Variants in IGSF21 observed in about 807,000 individuals in gnomAD.
The protein encoded by IGSF21 is immunoglobulin superfamily member 21.
IGSF21 carries 28 observed loss-of-function variants against 46.8 expected under a neutral mutation model. The observed-to-expected ratio is 0.60, with a 90% CI of 0.44 to 0.82. The LOEUF is 0.82. IGSF21 is among the 40% of genes least tolerant of loss of function. IGSF21 has a pLI of 0.00. For missense variants in IGSF21, 624 were observed against 665.5 expected (o/e 0.94, Z 0.69); for synonymous variants, 284 against 273.6 (o/e 1.04, Z -0.38).
In IGSF21 at chr1:18,378,430, G is replaced by C; in HGVS notation, c.*104G>C. The C allele has an allele frequency of 3.1e-6, 3 of 973,830 alleles. No homozygotes were observed. Among genetic ancestry groups the C allele is most frequent in the Non-Finnish European group, 3.1e-6 (2 of 646,252 alleles). The allele number at this position is 973,830 out of a possible 1,614,324, so 60.3% of individuals were successfully genotyped here. ...TCTTGTTCTTAGTCTCTTTCCATCT[G>C]TGTCTTGGCTTCTTCAGTCGGTTTA... On this transcript the variant is annotated 3_prime_UTR_variant, in exon 10 of 10. Coordinates refer to ENST00000251296, the MANE Select transcript of IGSF21 (RefSeq NM_032880.5).
At chr1:18,174,346 GTTC>G (rs1437282662) in intron 1 of IGSF21, among the ~76,000 whole-genome samples, 1 of 152,166 alleles carries the variant, frequency 6.6e-6, no homozygotes, top group African/African-American at 2.4e-5. Flanking sequence ...CAGATGGGCA[GTTC>G]TTCTTTTATC....
At chr1:18,241,886 G>A (rs943277955) in intron 2 of IGSF21, among the ~76,000 whole-genome samples, 11 of 152,302 alleles carry the variant, frequency 7.2e-5, no homozygotes, top group Non-Finnish European at 1.0e-4. Flanking sequence ...ATGGTAAGGC[G>A]GAAGGGGTTT....
intron 1 of IGSF21, among the ~76,000 whole-genome samples, chr1:18,225,130 A>ACACACACACAC (rs2084552914): frequency 9.8e-6 from 1 of 102,222 alleles, no homozygotes; most frequent in Admixed American, 9.8e-5. Context: ...CACACACACA[A>ACACACACACAC]AGAAATCATG....
chr1:18,121,624 A>G (rs779755703), intron 1 of IGSF21, among the ~76,000 whole-genome samples: 2 of 152,220 alleles, frequency 1.3e-5, no homozygotes, highest in East Asian at 1.9e-4. Context: ...CCTCGCCGAC[A>G]TGCCATCTGT....
chr1:18,341,012 C>CTCTTCT (rs10536109), intron 4 of IGSF21, among the ~76,000 whole-genome samples: 67 of 85,078 alleles, frequency 7.9e-4, no homozygotes, highest in African/African-American at 1.4e-3. Context: ...CCTCCTTCTT[C>CTCTTCT]TCTTCTTCTT....
intron 2 of IGSF21, among the ~76,000 whole-genome samples, chr1:18,251,538 A>G (rs920758158): frequency 1.3e-5 from 2 of 152,272 alleles, no homozygotes; most frequent in Admixed American, 1.3e-4. Flanking sequence ...GGGGCACAAA[A>G]CCAAGAGAGT....
chr1:18,257,142 C>T (rs1369704709), intron 2 of IGSF21, among the ~76,000 whole-genome samples: 1 of 152,194 alleles, frequency 6.6e-6, no homozygotes, highest in Non-Finnish European at 1.5e-5. Flanking sequence ...AAATTATACT[C>T]TTTATTCTGA....
intron 1 of IGSF21, among the ~76,000 whole-genome samples, chr1:18,187,277 T>C (rs180932451): frequency 6.6e-6 from 1 of 152,270 alleles, no homozygotes; most frequent in Non-Finnish European, 1.5e-5. Context: ...TCTCTCTCTC[T>C]TCCTCTTGTC....
chr1:18,206,809 G>C (rs1380505055), intron 1 of IGSF21, among the ~76,000 whole-genome samples: 2 of 152,232 alleles, frequency 1.3e-5, no homozygotes, highest in Non-Finnish European at 2.9e-5. Flanking sequence ...CAAAGGAGCA[G>C]CATGATCTGC....
chr1:18,253,409 A>G (rs1286547610), intron 2 of IGSF21, among the ~76,000 whole-genome samples: 3 of 152,222 alleles, frequency 2.0e-5, no homozygotes, highest in African/African-American at 7.2e-5. Flanking sequence ...GGACTGGGCC[A>G]GGTCCCAGGA....
intron 4 of IGSF21, among the ~76,000 whole-genome samples, chr1:18,340,302 A>C (rs914026450): frequency 5.3e-5 from 8 of 152,028 alleles, no homozygotes; most frequent in Non-Finnish European, 1.2e-4. Flanking sequence ...AGAGATGGGG[A>C]GACAAATGGG....
intron 3 of IGSF21, among the ~76,000 whole-genome samples, chr1:18,305,527 T>TGGATGGAG (rs1557635247): frequency 4.2e-5 from 3 of 71,706 alleles, no homozygotes; most frequent in Admixed American, 1.8e-4. Flanking sequence ...GATGGATGGA[T>TGGATGGAG]TATGAATGGA....
intron 1 of IGSF21, among the ~76,000 whole-genome samples, chr1:18,217,029 G>C (rs535439402): frequency 6.6e-6 from 1 of 152,098 alleles, no homozygotes; most frequent in South Asian, 2.1e-4. Context: ...ACCCACAGCA[G>C]GGGGAGGGTG....
chr1:18,224,269 C>T (rs371611028), intron 1 of IGSF21, among the ~76,000 whole-genome samples: 136 of 152,224 alleles, frequency 8.9e-4, no homozygotes, highest in East Asian at 7.8e-4. Flanking sequence ...CACTCTGGCC[C>T]AAACTTGGAG....
chr1:18,195,370 G>A (rs1015519937), intron 1 of IGSF21, among the ~76,000 whole-genome samples: 3 of 152,172 alleles, frequency 2.0e-5, no homozygotes, highest in Non-Finnish European at 2.9e-5. Context: ...GGATTATAAC[G>A]GCTGGAGCAG....
At chr1:18,342,901 C>A (rs1231194911) in intron 4 of IGSF21, among the ~76,000 whole-genome samples, 1 of 152,188 alleles carries the variant, frequency 6.6e-6, no homozygotes, top group African/African-American at 2.4e-5. Flanking sequence ...TAAACATTCA[C>A]GTGCAAGTTT....
chr1:18,359,675 G>C (rs34620598), intron 4 of IGSF21, among the ~76,000 whole-genome samples: 5 of 151,994 alleles, frequency 3.3e-5, no homozygotes, highest in East Asian at 1.9e-4. Context: ...CTGCCATCAC[G>C]AGCCATGCCA....
intron 1 of IGSF21, among the ~76,000 whole-genome samples, chr1:18,131,131 C>T (rs2086317968): frequency 6.6e-6 from 1 of 152,202 alleles, no homozygotes; most frequent in Non-Finnish European, 1.5e-5. Flanking sequence ...AGAAAGATGG[C>T]CACTGCTAGA....
rs1463907628 is a variant in IGSF21, at chr1:18,230,379, G to A, written c.183+2369G>A. Among the ~76,000 whole-genome samples, 14 of 152,162 alleles carry A rather than the reference G, an allele frequency of 9.2e-5. 1 individual carries two copies. Among genetic ancestry groups the A allele is most frequent in the African/African-American group, 1.4e-4 (6 of 41,436 alleles). ...GTGGCATCTCTTACCATTGTCAGGC[G>A]CTGCATATCGGGCCATGGTAGGCTG... is the stretch of plus-strand genomic sequence containing the variant. On this transcript the variant is annotated intron_variant, in intron 2 of 9. Transcript: ENST00000251296.
Sources: allele counts gnomAD v4.1 joint callset (sites outside exome capture counted in the v4.1 genomes callset), GRCh38; gene constraint gnomAD v4.1.1; transcripts MANE v1.5; gene names NCBI Gene and HGNC (gene_info 2026-07-23, HGNC 2026-07-21).